The following PAPPA variants were observed in gnomAD, a reference collection of about 807,000 sequenced individuals.
The protein encoded by PAPPA is pappalysin-1.
A neutral mutation model predicts 164.0 loss-of-function variants in PAPPA; 60 were observed. The ratio of observed to expected loss-of-function variants is 0.37; its 90% CI spans 0.30 to 0.45. PAPPA has a LOEUF of 0.45. Ranked by LOEUF, PAPPA falls within the 20% of genes least tolerant of loss-of-function variation. The pLI is 1.00. For missense variants in PAPPA, 1,782 were observed against 2,087.3 expected (o/e 0.85, Z 2.85); for synonymous variants, 875 against 814.1 (o/e 1.07, Z -1.27).
At chr9:116,362,883 C>A in intron 18 of PAPPA, 144 bp downstream of exon 18, 1 of 740,812 alleles carries the variant, frequency 1.3e-6, no homozygotes, top group Non-Finnish European at 2.1e-6. Context: ...TAGTGTAGAC[C>A]ATGTCCTCCC....
At chr9:116,358,090 G>A (rs917606826) in intron 17 of PAPPA, among the ~76,000 whole-genome samples, 2 of 152,128 alleles carry the variant, frequency 1.3e-5, no homozygotes, top group African/African-American at 4.8e-5. Flanking sequence ...CAAGCACCCA[G>A]GATGTCCTAG....
chr9:116,278,872 A>G (rs943489212), intron 9 of PAPPA, among the ~76,000 whole-genome samples: 6 of 152,352 alleles, frequency 3.9e-5, no homozygotes, highest in Non-Finnish European at 7.4e-5. Context: ...CATAACATCT[A>G]TAGAGTGTTT....
rs1006524244 is a variant in PAPPA, at chr9:116,207,718, C to G, written c.1624+117C>G. 6 of 712,158 alleles carry G rather than the reference C, an allele frequency of 8.4e-6. No individual in the cohort carries two copies. The African/African-American group carries it at 1.1e-4, about 13-fold the overall frequency. The allele number at this position is 712,158 out of a possible 1,614,324, so 44.1% of individuals were successfully genotyped here. A position where few individuals can be genotyped will look rare whatever the true frequency, so the allele number is the denominator to read the frequency against. ...TGGTGGTAGTTGTGAGGGTGAACAACCGATTTATTTATCACTTTTTAATTT... is the reference window on the plus strand; with the variant it reads ...TGGTGGTAGTTGTGAGGGTGAACAAGCGATTTATTTATCACTTTTTAATTT... On this transcript the variant is annotated intron_variant, in intron 3 of 21. Transcript: ENST00000328252.
intron 2 of PAPPA, among the ~76,000 whole-genome samples, chr9:116,199,991 G>A (rs147963116): frequency 2.2e-4 from 34 of 152,148 alleles, no homozygotes; most frequent in African/African-American, 7.5e-4. Context: ...CATTCTTAAG[G>A]GATCTGCCCC....
intron 1 of PAPPA, among the ~76,000 whole-genome samples, chr9:116,178,087 G>A (rs529198359): frequency 2.0e-5 from 3 of 152,262 alleles, no homozygotes; most frequent in African/African-American, 7.2e-5. Flanking sequence ...AAGAAGGAAA[G>A]ATATTATTTT....
At chr9:116,185,917 T>C (rs1438937833) in intron 1 of PAPPA, among the ~76,000 whole-genome samples, 2 of 152,138 alleles carry the variant, frequency 1.3e-5, no homozygotes, top group Non-Finnish European at 2.9e-5. Flanking sequence ...GGGGAGCTGC[T>C]ATAGAATTAG....
chr9:116,234,800 G>A (rs936700353), intron 6 of PAPPA, among the ~76,000 whole-genome samples: 11 of 152,170 alleles, frequency 7.2e-5, no homozygotes, highest in Middle Eastern at 3.2e-3. Flanking sequence ...GACACAGTGG[G>A]TGTTTAGCCA....
chr9:116,369,431 CAGCACA>C (rs1846544264), intron 19 of PAPPA, among the ~76,000 whole-genome samples: 1 of 152,170 alleles, frequency 6.6e-6, no homozygotes, highest in Admixed American at 6.5e-5. Context: ...TCCACACAGG[CAGCACA>C]ACTGGAACGA....
intron 9 of PAPPA, among the ~76,000 whole-genome samples, chr9:116,285,068 A>G (rs754276849): frequency 1.3e-5 from 2 of 151,790 alleles, no homozygotes; most frequent in Non-Finnish European, 2.9e-5. Flanking sequence ...GATAAATTTA[A>G]ATTCCTTACT....
At chr9:116,156,334 G>GTGTA (rs1554730866) in intron 1 of PAPPA, among the ~76,000 whole-genome samples, 2,697 of 139,552 alleles carry the variant, frequency 0.019, 96 homozygotes, top group African/African-American at 0.06. Context: ...ATATATATGT[G>GTGTA]TATATATATA....
intron 1 of PAPPA, among the ~76,000 whole-genome samples, chr9:116,180,539 T>C (rs1843892170): frequency 6.6e-6 from 1 of 152,202 alleles, no homozygotes; most frequent in South Asian, 2.1e-4. Context: ...TTATTATCAT[T>C]ATTTATTTAA....
At chr9:116,214,482 G>A (rs1389777939) in intron 4 of PAPPA, among the ~76,000 whole-genome samples, 1 of 152,136 alleles carries the variant, frequency 6.6e-6, no homozygotes, top group Non-Finnish European at 1.5e-5. Flanking sequence ...GTTTCTTACT[G>A]CAGAGCCTGT....
intron 13 of PAPPA, among the ~76,000 whole-genome samples, chr9:116,338,429 T>C (rs993231029): frequency 6.6e-6 from 1 of 151,990 alleles, no homozygotes; most frequent in Admixed American, 6.5e-5. Flanking sequence ...TGTTGTTTGT[T>C]GGTTGGGGGT....
chr9:116,233,130 A>C (rs1844618670), intron 6 of PAPPA, among the ~76,000 whole-genome samples: 1 of 152,236 alleles, frequency 6.6e-6, no homozygotes, highest in Non-Finnish European at 1.5e-5. Context: ...GAAGGTTAAC[A>C]AATATTTATT....
chr9:116,229,062 A>G (rs1265172792), intron 6 of PAPPA, among the ~76,000 whole-genome samples: 3 of 152,192 alleles, frequency 2.0e-5, no homozygotes. Context: ...GCCAATTACC[A>G]TTCAATGTGA....
At chr9:116,335,265 G>A (rs1846047040) in intron 13 of PAPPA, among the ~76,000 whole-genome samples, 191 bp downstream of exon 13, 1 of 152,120 alleles carries the variant, frequency 6.6e-6, no homozygotes, top group African/African-American at 2.4e-5. Context: ...GCAATTAAGG[G>A]AAACGGTTGT....
chr9:116,243,731 GT>G (rs988083569), intron 7 of PAPPA, among the ~76,000 whole-genome samples: 8 of 152,158 alleles, frequency 5.3e-5, no homozygotes, highest in African/African-American at 1.9e-4. Flanking sequence ...TTTTTTTATT[GT>G]TTTTTTGAAC....
chr9:116,289,028 G>C (rs954413206), intron 9 of PAPPA: 3 of 151,008 alleles, frequency 2.0e-5, no homozygotes, highest in African/African-American at 7.3e-5. Flanking sequence ...GCATCCACTT[G>C]TCCAAGCTTC....
At chr9:116,161,573 A>G (rs1173958330) in intron 1 of PAPPA, among the ~76,000 whole-genome samples, 2 of 152,206 alleles carry the variant, frequency 1.3e-5, no homozygotes, top group African/African-American at 4.8e-5. Context: ...AGTTATTGTT[A>G]ATCTTGATAG....
Sources: allele counts gnomAD v4.1 joint callset (sites outside exome capture counted in the v4.1 genomes callset), GRCh38; gene constraint gnomAD v4.1.1; transcripts MANE v1.5; gene names NCBI Gene and HGNC (gene_info 2026-07-23, HGNC 2026-07-21).